The following NAV3 variants were observed in gnomAD, a reference collection of about 807,000 sequenced individuals.
The protein encoded by NAV3 is pore membrane and/or filament interacting like protein 1.
Under a neutral mutation model 244.7 loss-of-function variants are expected in NAV3, and 87 were observed. That is an observed-to-expected ratio of 0.36 (90% CI 0.30 to 0.42). The LOEUF is 0.42. Ranked by LOEUF, NAV3 falls within the 20% of genes least tolerant of loss-of-function variation. The pLI, the probability that NAV3 is intolerant of heterozygous loss-of-function variation, is 1.00. For missense variants in NAV3, 2,663 were observed against 2,893.3 expected, an observed-to-expected ratio of 0.92 and a Z score of 1.83; for synonymous variants, 1,126 against 1,042.2, an observed-to-expected ratio of 1.08 and a Z score of -1.55.
intron 5 of NAV3, among the ~76,000 whole-genome samples, chr12:77,980,114 ATAATTATCTGATAAGTTTC>A (rs1869295424): frequency 6.6e-6 from 1 of 152,164 alleles, no homozygotes; most frequent in African/African-American, 2.4e-5. Flanking sequence ...TTGTCCAGAT[ATAATTATCTGATAAGTTTC>A]AGTTCCTTGA....
At chr12:77,649,807 C>T (rs1322129276) in intron 2 of NAV3, among the ~76,000 whole-genome samples, 1 of 151,972 alleles carries the variant, frequency 6.6e-6, no homozygotes, top group African/African-American at 2.4e-5. Flanking sequence ...ATGATTTAAT[C>T]GATTTTTTTA....
At chr12:77,911,456 A>G (rs1886578986) in intron 1 of NAV3, among the ~76,000 whole-genome samples, 1 of 152,136 alleles carries the variant, frequency 6.6e-6, no homozygotes, top group Non-Finnish European at 1.5e-5. Context: ...TAAAAGATCA[A>G]CTAATAAGTA....
intron 2 of NAV3, among the ~76,000 whole-genome samples, chr12:77,732,450 T>C (rs1877164946): frequency 6.6e-6 from 1 of 151,986 alleles, no homozygotes; most frequent in Non-Finnish European, 1.5e-5. Context: ...ACATCAGCAG[T>C]GCGTGTGAGC....
chr12:78,204,468 G>A (rs1402108114), intron 38 of NAV3, among the ~76,000 whole-genome samples: 1 of 152,138 alleles, frequency 6.6e-6, no homozygotes, highest in East Asian at 1.9e-4. Context: ...GACAGTTTGA[G>A]TAGAGTGAAT....
chr12:77,812,522 C>T (rs565545675), intron 2 of NAV3, among the ~76,000 whole-genome samples: 2 of 151,908 alleles, frequency 1.3e-5, no homozygotes, highest in East Asian at 3.9e-4. Context: ...TCAAGCAATT[C>T]TCCTGTCTCA....
At chr12:78,068,506 G>T (rs976676482) in intron 12 of NAV3, among the ~76,000 whole-genome samples, 1 of 150,184 alleles carries the variant, frequency 6.7e-6, no homozygotes, top group Non-Finnish European at 1.5e-5. Flanking sequence ...AAACACAGGT[G>T]ACAGAACAGT....
chr12:77,932,927 A>G (rs557585724), intron 1 of NAV3, among the ~76,000 whole-genome samples: 2 of 152,174 alleles, frequency 1.3e-5, no homozygotes, highest in East Asian at 3.9e-4. Flanking sequence ...TCCTCTGTAG[A>G]TGTAATTATT....
At position 77,718,395 on chromosome 12, in the gene NAV3, A is replaced by G. The variant is rs191842705; in HGVS notation, c.72+146129A>G. Among the ~76,000 whole-genome samples the G allele has an allele frequency of 3.3e-4, 50 of 152,042 alleles. 1 individual carries two copies. The highest frequency in any genetic ancestry group is 2.8e-3 in the Admixed American group (42 of 15,246). ...GATCATTTGACCAATTTATGCATGGATTTATTTCTGGCCTCTCTATTCTGC... is the reference window on the plus strand; with the variant it reads ...GATCATTTGACCAATTTATGCATGGGTTTATTTCTGGCCTCTCTATTCTGC... On this transcript the variant is annotated intron_variant, in intron 2 of 8. Transcript: ENST00000550042.
In NAV3 at chr12:77,842,767, T is replaced by C. The variant is rs1358676783; in HGVS notation, c.243+11063T>C. Among the ~76,000 whole-genome samples, 4 of 152,206 alleles carry C rather than the reference T, an allele frequency of 2.6e-5. No individual in the cohort carries two copies. The South Asian group carries it at 6.2e-4, about 24-fold the overall frequency. ...ATCCTTTCAGACCATGATAAGCACA[T>C]ATAAAGAATATTACACCGAACAATC... is the stretch of plus-strand genomic sequence containing the variant. On this transcript the variant is annotated intron_variant, in intron 1 of 39. Transcript: ENST00000397909.
intron 1 of NAV3, among the ~76,000 whole-genome samples, chr12:77,844,117 T>G (rs76755696): frequency 0.012 from 1,758 of 152,302 alleles, 28 homozygotes; most frequent in African/African-American, 0.04. Context: ...GGGTAATTTA[T>G]GAACAACAGA....
At chr12:78,080,452 G>A (rs1417131764) in intron 12 of NAV3, among the ~76,000 whole-genome samples, 1 of 152,098 alleles carries the variant, frequency 6.6e-6, no homozygotes, top group Non-Finnish European at 1.5e-5. Context: ...CTGCATAAAT[G>A]TTCTCTTTGG....
At chr12:77,843,703 T>A (rs2136189630) in intron 1 of NAV3, among the ~76,000 whole-genome samples, 1 of 152,300 alleles carries the variant, frequency 6.6e-6, no homozygotes, top group African/African-American at 2.4e-5. Context: ...GTAATTGTTT[T>A]ATTTAGAACA....
At chr12:77,938,709 A>T (rs1889567831) in intron 1 of NAV3, among the ~76,000 whole-genome samples, 1 of 152,140 alleles carries the variant, frequency 6.6e-6, no homozygotes, top group Admixed American at 6.6e-5. Context: ...AGGAAGGTAC[A>T]TATGTCAGGC....
Position 77,775,583 on chromosome 12 carries a change from G to A in NAV3, c.73-164736G>A, listed in dbSNP as rs533023909. ...TTTGTTTTAAATCTTATAATAGCCT[G>A]TTACTTTATCTTGTTTCATTATATA... On this transcript the variant is annotated intron_variant, in intron 2 of 8. Coordinates refer to the NAV3 transcript ENST00000550042. 8.5e-5 allele frequency among the ~76,000 whole-genome samples: 13 copies of A among 152,160 alleles called. No individual in the cohort carries two copies. In the South Asian group the frequency reaches 2.3e-3, roughly 27 times the overall value.
At position 77,831,460 on chromosome 12, in the gene NAV3, C is replaced by A. The variant is rs2136073657; in HGVS notation, c.-2C>A. The A allele has an allele frequency of 6.3e-7, 1 of 1,597,486 alleles. No individual in the cohort carries two copies. Among genetic ancestry groups the A allele is most frequent in the Non-Finnish European group, 8.5e-7 (1 of 1,173,942 alleles). On this transcript the variant is annotated 5_prime_UTR_variant, in exon 1 of 40. Coordinates refer to ENST00000397909, the MANE Select transcript of NAV3 (RefSeq NM_001024383.2). ...CAGCAAGAAGATAATTTTATAGAAG[C>A]CATGCCTGTTCTTGGGGTTGCCTCA... is the stretch of plus-strand genomic sequence containing the variant.
At chr12:77,647,796 A>G (rs1205847438) in intron 2 of NAV3, among the ~76,000 whole-genome samples, 1 of 152,144 alleles carries the variant, frequency 6.6e-6, no homozygotes, top group Non-Finnish European at 1.5e-5. Flanking sequence ...TTACCTCAGA[A>G]AAATAAAGCC....
intron 2 of NAV3, among the ~76,000 whole-genome samples, chr12:77,745,679 A>C (rs1242608542): frequency 6.6e-6 from 1 of 151,992 alleles, no homozygotes; most frequent in Non-Finnish European, 1.5e-5. Flanking sequence ...CTTGGGGTCA[A>C]TTGTGGTGAA....
rs1357860797 is a variant in NAV3, at chr12:77,902,647, A to G, written c.244-37672A>G. Among the ~76,000 whole-genome samples, 3 of 152,154 alleles carry G rather than the reference A, an allele frequency of 2.0e-5. No homozygotes were observed. The East Asian group carries it at 5.8e-4, about 29-fold the overall frequency. The stretch of plus-strand genomic sequence containing the variant: ...AGTGTTGGAAGTTCTGGCCAGGGCA[A>G]TCAGGCAGGAGAAGGAAATAAAGGG... On this transcript the variant is annotated intron_variant, in intron 1 of 39. Transcript: ENST00000397909.
chr12:77,634,280 A>G (rs1046393534), intron 2 of NAV3, among the ~76,000 whole-genome samples: 2 of 152,130 alleles, frequency 1.3e-5, no homozygotes, highest in African/African-American at 4.8e-5. Flanking sequence ...CGTTGTCCTT[A>G]TCTATGGATC....
Sources: allele counts gnomAD v4.1 joint callset (sites outside exome capture counted in the v4.1 genomes callset), GRCh38; gene constraint gnomAD v4.1.1; transcripts MANE v1.5; gene names NCBI Gene and HGNC (gene_info 2026-07-23, HGNC 2026-07-21).